The following CRACD variants were observed in gnomAD, a reference collection of about 807,000 sequenced individuals.
CRACD encodes the protein capping protein inhibiting regulator of actin dynamics, also known as capping protein-inhibiting regulator of actin dynamics.
A neutral mutation model predicts 106.8 loss-of-function variants in CRACD; 56 were observed. That is an observed-to-expected ratio of 0.52 (90% CI 0.42 to 0.66). The LOEUF is 0.66. Among genes scored for constraint, CRACD ranks in the 30% least tolerant of loss-of-function variants. The pLI, the probability that CRACD is intolerant of heterozygous loss-of-function variation, is 0.00. For synonymous variants in CRACD, 754 were observed against 670.8 expected (o/e 1.12, Z -1.92); for missense variants, 1,730 against 1,623.2 (o/e 1.07, Z -1.13).
chr4:56,175,517 T>C (rs1460609896), intron 1 of CRACD, among the ~76,000 whole-genome samples: 1 of 152,206 alleles, frequency 6.6e-6, no homozygotes, highest in Non-Finnish European at 1.5e-5. Context: ...ATTTTTTAAA[T>C]TTTTGTGGGT....
chr4:56,298,282 C>A lies in CRACD; in HGVS notation c.53C>A (p.Ala18Glu). The stretch of plus-strand genomic sequence containing the variant: ...AGTATTTTTATCCCTGATGGGGGAG[C>A]AGAAAGTGAGCAGACAGTTCAAGCA... ...HDSIFIPDGG[A>E]ESEQTVQAMS... Residue 18 changes from alanine to glutamate, a missense_variant, in exon 4 of 11, where the codon GCA becomes GAA. This residue lies in a region of CRACD where 1,620 missense variants were observed against 1,481.6 expected (regional missense o/e 1.09). Coordinates refer to ENST00000682029, the MANE Select transcript of CRACD (RefSeq NM_001393381.1). 1.2e-6 allele frequency: 2 copies of A among 1,614,064 alleles called. No individual in the cohort carries two copies. The highest frequency in any genetic ancestry group is 1.7e-6 in the Non-Finnish European group (2 of 1,179,978).
At chr4:56,291,439 G>A (rs533234769) in intron 3 of CRACD, among the ~76,000 whole-genome samples, 3 of 150,846 alleles carry the variant, frequency 2.0e-5, no homozygotes, top group Admixed American at 2.0e-4. Context: ...ATTAGAACAT[G>A]GTTTCAAGCT....
At chr4:56,297,967 C>T in intron 3 of CRACD, 2 of 342,498 alleles carry the variant, frequency 5.8e-6, no homozygotes, top group South Asian at 6.1e-5. Flanking sequence ...GGATCCTATA[C>T]AAATAAGTAA....
chr4:56,234,182 C>T (rs1739816531), intron 2 of CRACD, among the ~76,000 whole-genome samples: 1 of 152,088 alleles, frequency 6.6e-6, no homozygotes, highest in Non-Finnish European at 1.5e-5. Context: ...GTGCAACCAT[C>T]CCATTATCCA....
At position 56,329,608 on chromosome 4, in the gene CRACD, C is replaced by T. The variant is rs1463056514; in HGVS notation, c.*1804C>T. On this transcript the variant is annotated 3_prime_UTR_variant, in exon 11 of 11. Coordinates refer to ENST00000682029, the MANE Select transcript of CRACD (RefSeq NM_001393381.1). The stretch of plus-strand genomic sequence containing the variant: ...ATGTAACCTTTTTTTATTGCTATGG[C>T]AAGCAATTAGTATTTCACTGCACGT... Among the ~76,000 whole-genome samples, 2 of 152,140 alleles carry T rather than the reference C, an allele frequency of 1.3e-5. No homozygotes were observed. The highest frequency in any genetic ancestry group is 2.9e-5 in the Non-Finnish European group (2 of 68,030).
chr4:56,171,336 G>A (rs976503182), intron 1 of CRACD, among the ~76,000 whole-genome samples: 1 of 151,992 alleles, frequency 6.6e-6, no homozygotes, highest in African/African-American at 2.4e-5. Flanking sequence ...ATAGTTATCA[G>A]TGGAGGAGCA....
chr4:56,253,827 A>G (rs1311682265), intron 2 of CRACD, among the ~76,000 whole-genome samples: 1 of 152,208 alleles, frequency 6.6e-6, no homozygotes, highest in East Asian at 1.9e-4. Flanking sequence ...TTTCTAAGTC[A>G]CCTGTCACCA....
intron 1 of CRACD, among the ~76,000 whole-genome samples, chr4:56,144,808 C>T (rs973316882): frequency 6.6e-6 from 1 of 152,116 alleles, no homozygotes; most frequent in African/African-American, 2.4e-5. Flanking sequence ...CACTGGCCAC[C>T]ATGCCTGGCT....
intron 1 of CRACD, among the ~76,000 whole-genome samples, chr4:56,147,016 C>T (rs1056519658): frequency 6.6e-6 from 1 of 152,072 alleles, no homozygotes; most frequent in Non-Finnish European, 1.5e-5. Context: ...AAGGTGGGCA[C>T]GTCTTGTTCC....
In CRACD at chr4:56,277,736, A is replaced by G. The variant is rs149235179; in HGVS notation, c.-17+5244A>G. Reference sequence around the variant, plus strand: ...TAAAACTGTACTTGCAGATGCCATGATTGTATATATAGAAAGTCCTAAGGA... The same window carrying G: ...TAAAACTGTACTTGCAGATGCCATGGTTGTATATATAGAAAGTCCTAAGGA... On this transcript the variant is annotated intron_variant, in intron 3 of 10. Transcript: ENST00000682029. Among the ~76,000 whole-genome samples the G allele has an allele frequency of 3.9e-5, 6 of 152,320 alleles. No individual in the cohort carries two copies. In the South Asian group the frequency reaches 8.3e-4, roughly 21 times the overall value.
rs542762488 is a variant in CRACD, at chr4:56,264,162, C to T, written c.-188-8159C>T. On this transcript the variant is annotated intron_variant, in intron 2 of 10. Coordinates refer to ENST00000682029, the MANE Select transcript of CRACD (RefSeq NM_001393381.1). Reference sequence around the variant, plus strand: ...ACCAGATCTTATGAGAACTCACTCACTATCATGAGAACAGCAAGGGAGAAA... The same window carrying T: ...ACCAGATCTTATGAGAACTCACTCATTATCATGAGAACAGCAAGGGAGAAA... Among the ~76,000 whole-genome samples, 21 of 152,268 alleles carry T rather than the reference C, an allele frequency of 1.4e-4. No individual in the cohort carries two copies. The South Asian group carries it at 1.5e-3, about 11-fold the overall frequency.
chr4:56,275,960 G>A (rs1577843140), intron 3 of CRACD, among the ~76,000 whole-genome samples: 1 of 152,280 alleles, frequency 6.6e-6, no homozygotes, highest in South Asian at 2.1e-4. Flanking sequence ...TTAACATCCT[G>A]TCAAACTCCC....
At chr4:56,311,818 C>A (rs959795820) in intron 6 of CRACD, among the ~76,000 whole-genome samples, 6 of 152,342 alleles carry the variant, frequency 3.9e-5, no homozygotes, top group East Asian at 1.9e-4. Flanking sequence ...TAGTGCCGCA[C>A]CCCCTGCCAC....
At position 56,327,664 on chromosome 4, in the gene CRACD, C is replaced by A. The variant is rs770260916; in HGVS notation, c.3562C>A (p.Pro1188Thr). 4.3e-6 allele frequency: 7 copies of A among 1,609,278 alleles called. No homozygotes were observed. The highest frequency in any genetic ancestry group is 4.1e-5 in the African/African-American group (3 of 73,984). Residue 1188 changes from proline (P) to threonine (T), a missense_variant, in exon 11 of 11, where the codon CCC becomes ACC. Around this residue, in one of 5 missense-constraint regions of CRACD, gnomAD observed 89 missense variants for 89.6 expected, o/e 0.99. Coordinates refer to ENST00000682029, the MANE Select transcript of CRACD (RefSeq NM_001393381.1). ...TCCAGTGGAGATCTCCGACTCGGCT[C>A]CCCCAGCGCCGCTGGTAAAAGAAGT... ...SVTVEISDSA[P>T]PAPLVKEVTK...
intron 1 of CRACD, among the ~76,000 whole-genome samples, chr4:56,168,793 C>T (rs1460429679): frequency 6.6e-6 from 1 of 151,872 alleles, no homozygotes; most frequent in Non-Finnish European, 1.5e-5. Context: ...ACCATTCATT[C>T]CTTTCCTACC....
chr4:56,323,353 C>T (rs1012533270), intron 8 of CRACD, 24 bp from the exon 9 acceptor site: 12 of 1,578,224 alleles, frequency 7.6e-6, no homozygotes, highest in African/African-American at 4.2e-5. Flanking sequence ...CATTGCAAAC[C>T]GTTCTTTGTC....
At chr4:56,263,400 T>C (rs1389867865) in intron 2 of CRACD, among the ~76,000 whole-genome samples, 1 of 152,184 alleles carries the variant, frequency 6.6e-6, no homozygotes, top group Non-Finnish European at 1.5e-5. Flanking sequence ...ACTAGGTGGC[T>C]TAAACAATAC....
rs554834644 is a variant in CRACD, at chr4:56,310,677, G to A, written c.297G>A (p.Thr99=). 2.0e-5 allele frequency: 33 copies of A among 1,610,126 alleles called. No individual in the cohort carries two copies. The highest frequency in any genetic ancestry group is 1.7e-4 in the Middle Eastern group (1 of 6,060). The part of the protein sequence containing the change: ...LSDAENKSSD[T]PSSLSPLNLP... Reference sequence around the variant, plus strand: ...TCTTACTGTTCCAGTCCAGTGATACGCCAAGTTCTCTAAGTCCTCTGAATC... The same window carrying A: ...TCTTACTGTTCCAGTCCAGTGATACACCAAGTTCTCTAAGTCCTCTGAATC... Residue 99 remains threonine (T), a synonymous_variant, in exon 6 of 11, where the codon ACG becomes ACA. Transcript: ENST00000682029.
At chr4:56,070,886 T>TGTGTGTGTGTGTCC (rs1269704031) in intron 1 of CRACD, among the ~76,000 whole-genome samples, 1 of 151,502 alleles carries the variant, frequency 6.6e-6, no homozygotes, top group Admixed American at 6.6e-5. Context: ...TGTGTGTGTG[T>TGTGTGTGTGTGTCC]GTGTCCACAG....
Sources: gnomAD v4.1 joint callset for allele counts (sites outside exome capture counted in the v4.1 genomes callset) on GRCh38, gnomAD v4.1.1 for gene constraint, gnomAD v4.1.1 regional missense constraint, MANE v1.5 for transcripts, NCBI Gene and HGNC (gene_info 2026-07-23, HGNC 2026-07-21) for gene names.